Variants in ZBTB7C observed in about 807,000 individuals in gnomAD.
ZBTB7C encodes the protein zinc finger and BTB domain-containing protein 7C.
In ZBTB7C, 8 loss-of-function variants were observed where a neutral mutation model predicts 25.7. The observed-to-expected ratio is 0.31, with a 90% CI of 0.18 to 0.56. ZBTB7C has a LOEUF of 0.56. Ranked by LOEUF, ZBTB7C falls within the 20% of genes least tolerant of loss-of-function variation. The pLI, the probability that ZBTB7C is intolerant of heterozygous loss-of-function variation, is 0.91. For missense variants in ZBTB7C, 824 were observed against 855.2 expected (o/e 0.96, Z 0.46); for synonymous variants, 394 against 369.0 (o/e 1.07, Z -0.78).
At chr18:48,195,810 C>T (rs1457361492) in intron 2 of ZBTB7C, among the ~76,000 whole-genome samples, 2 of 152,158 alleles carry the variant, frequency 1.3e-5, no homozygotes, top group African/African-American at 2.4e-5. Context: ...CAAAATGACT[C>T]AAAAATGTTT....
intron 1 of ZBTB7C, among the ~76,000 whole-genome samples, chr18:48,371,362 G>T (rs1425825649): frequency 6.6e-6 from 1 of 152,192 alleles, no homozygotes; most frequent in Non-Finnish European, 1.5e-5. Flanking sequence ...TCAGGGCTGG[G>T]AACGAGCTTA....
At chr18:48,077,060 TG>T (rs2037792523) in intron 3 of ZBTB7C, 1 of 574,898 alleles carries the variant, frequency 1.7e-6, no homozygotes, top group Non-Finnish European at 2.0e-6. Context: ...TGTTGTTATA[TG>T]CAAAAAAAAA....
Position 48,380,730 on chromosome 18 carries a change from G to A in ZBTB7C, c.-304+28496C>T, listed in dbSNP as rs193244350. On this transcript the variant is annotated intron_variant, in intron 1 of 4. Coordinates refer to ENST00000590800, the MANE Select transcript of ZBTB7C (RefSeq NM_001318841.2). ...ATCCTGAAACAAGAAAAACATTAAG[G>A]GAAAACTAAGAAAATCTGAATAAAG... is the stretch of plus-strand genomic sequence containing the variant. Among the ~76,000 whole-genome samples, 14 of 152,038 alleles carry A rather than the reference G, an allele frequency of 9.2e-5. No homozygotes were observed. In the East Asian group the frequency reaches 2.7e-3, roughly 29 times the overall value.
chr18:48,198,502 C>T (rs1221934816), intron 2 of ZBTB7C, among the ~76,000 whole-genome samples: 1 of 152,204 alleles, frequency 6.6e-6, no homozygotes, highest in Non-Finnish European at 1.5e-5. Flanking sequence ...CTTCTGGAGA[C>T]TCTCAGGAAG....
chr18:48,299,974 A>C (rs1026725801), intron 2 of ZBTB7C, among the ~76,000 whole-genome samples: 1 of 152,204 alleles, frequency 6.6e-6, no homozygotes, highest in Non-Finnish European at 1.5e-5. Flanking sequence ...TCCCCAAATG[A>C]CAAATGGCAT....
rs2047630917 is a variant in ZBTB7C, at chr18:48,381,410, G to GA, written c.-304+27815dup. On this transcript the variant is annotated intron_variant, in intron 1 of 4. Transcript: ENST00000590800. ...TAAGAAGAGATTTAGATAACTGGTA[G>GA]AGATCCAGAGGTTGAAGTAGTAATA... Among the ~76,000 whole-genome samples, 3 of 152,208 alleles carry GA rather than the reference G, an allele frequency of 2.0e-5. No individual in the cohort carries two copies. In the South Asian group the frequency reaches 6.2e-4, roughly 32 times the overall value.
intron 2 of ZBTB7C, among the ~76,000 whole-genome samples, chr18:48,190,402 A>G (rs2042164170): frequency 6.6e-6 from 1 of 152,158 alleles, no homozygotes; most frequent in South Asian, 2.1e-4. Flanking sequence ...GGATGCAGAT[A>G]TGAAAAGGTG....
intron 1 of ZBTB7C, among the ~76,000 whole-genome samples, chr18:48,357,433 T>C (rs114932882): frequency 1.3e-5 from 2 of 152,018 alleles, no homozygotes; most frequent in Non-Finnish European, 2.9e-5. Flanking sequence ...CCCTGACACA[T>C]AGGAAAGGTG....
At chr18:48,359,067 G>A (rs1332311900) in intron 1 of ZBTB7C, among the ~76,000 whole-genome samples, 1 of 152,144 alleles carries the variant, frequency 6.6e-6, no homozygotes, top group Non-Finnish European at 1.5e-5. Flanking sequence ...TGACCTGGAA[G>A]TGAAACCCAT....
chr18:48,311,352 A>T (rs1229513817), intron 2 of ZBTB7C, among the ~76,000 whole-genome samples: 1 of 152,216 alleles, frequency 6.6e-6, no homozygotes, highest in African/African-American at 2.4e-5. Context: ...GAAATAAAAA[A>T]AAATGAATGA....
intron 2 of ZBTB7C, among the ~76,000 whole-genome samples, chr18:48,233,907 G>A (rs1485282098): frequency 6.6e-6 from 1 of 152,160 alleles, no homozygotes; most frequent in East Asian, 1.9e-4. Context: ...TCTCCAGGTG[G>A]TAATGGCCTC....
chr18:48,180,167 T>C (rs1324262751), intron 3 of ZBTB7C, among the ~76,000 whole-genome samples: 11 of 105,114 alleles, frequency 1.0e-4, no homozygotes, highest in South Asian at 7.7e-4. Flanking sequence ...CTCCCTCCCT[T>C]CCTTCCTTCC....
intron 2 of ZBTB7C, among the ~76,000 whole-genome samples, chr18:48,303,187 T>G (rs1477701192): frequency 1.3e-5 from 2 of 152,242 alleles, no homozygotes; most frequent in Admixed American, 1.3e-4. Context: ...TCTGTCTTGC[T>G]CCTTGACTTG....
At chr18:48,180,472 C>A (rs2041885185) in intron 3 of ZBTB7C, 3 of 397,388 alleles carry the variant, frequency 7.5e-6, no homozygotes, top group Admixed American at 2.8e-5. Flanking sequence ...GTCACCTATG[C>A]CATGCCTGGG....
chr18:48,352,987 A>T (rs995750539), intron 1 of ZBTB7C, among the ~76,000 whole-genome samples: 2 of 152,228 alleles, frequency 1.3e-5, no homozygotes, highest in African/African-American at 4.8e-5. Context: ...TGCCTTGCAC[A>T]ACTACTGCTC....
At chr18:48,173,619 G>C (rs959497840) in intron 3 of ZBTB7C, among the ~76,000 whole-genome samples, 4 of 152,188 alleles carry the variant, frequency 2.6e-5, no homozygotes, top group Non-Finnish European at 5.9e-5. Flanking sequence ...GAGGCCCTAG[G>C]GCACCACATT....
intron 1 of ZBTB7C, among the ~76,000 whole-genome samples, chr18:48,372,554 G>A (rs2047412175): frequency 6.6e-6 from 1 of 152,166 alleles, no homozygotes; most frequent in Non-Finnish European, 1.5e-5. Flanking sequence ...CTTGACGTGG[G>A]TTAAGCTATT....
At chr18:48,240,080 C>T (rs931806944) in intron 2 of ZBTB7C, among the ~76,000 whole-genome samples, 12 of 151,946 alleles carry the variant, frequency 7.9e-5, no homozygotes, top group Non-Finnish European at 1.3e-4. Context: ...ACACTGGAAA[C>T]TTTCAACAAT....
At chr18:48,196,833 A>T (rs959551186) in intron 2 of ZBTB7C, among the ~76,000 whole-genome samples, 51 of 152,230 alleles carry the variant, frequency 3.4e-4, no homozygotes, top group Non-Finnish European at 6.2e-4. Flanking sequence ...TCATGAAGAG[A>T]AGAAGGAAAA....
Sources: gnomAD v4.1 joint callset for allele counts (sites outside exome capture counted in the v4.1 genomes callset) on GRCh38, gnomAD v4.1.1 for gene constraint, MANE v1.5 for transcripts, NCBI Gene and HGNC (gene_info 2026-07-23, HGNC 2026-07-21) for gene names.